Variants in CEP57 observed in about 807,000 individuals in gnomAD.
The protein encoded by CEP57 is centrosomal protein of 57 kDa.
CEP57 carries 40 observed loss-of-function variants against 68.0 expected under a neutral mutation model. That is an observed-to-expected ratio of 0.59 (90% CI 0.46 to 0.77). The LOEUF is 0.77. Ranked by LOEUF, CEP57 falls within the 30% of genes least tolerant of loss-of-function variation. CEP57 has a pLI of 0.00. For synonymous variants in CEP57, 219 were observed against 198.7 expected, an observed-to-expected ratio of 1.10 and a Z score of -0.86; for missense variants, 606 against 580.7, an observed-to-expected ratio of 1.04 and a Z score of -0.45.
intron 8 of CEP57, among the ~76,000 whole-genome samples, chr11:95,823,789 A>G (rs1307593548): frequency 6.6e-6 from 1 of 152,152 alleles, no homozygotes; most frequent in African/African-American, 2.4e-5. Context: ...TCATCTTCAA[A>G]TGAGCAGTTC....
intron 6 of CEP57, among the ~76,000 whole-genome samples, chr11:95,819,762 A>C (rs769594742): frequency 6.6e-6 from 1 of 152,330 alleles, no homozygotes; most frequent in African/African-American, 2.4e-5. Flanking sequence ...GGCTCACTTC[A>C]TATATGTGAT....
chr11:95,823,859 C>T (rs1363393737), intron 8 of CEP57, among the ~76,000 whole-genome samples: 1 of 151,934 alleles, frequency 6.6e-6, no homozygotes, highest in Non-Finnish European at 1.5e-5. Context: ...CCATATTTTC[C>T]ATCATGTTTA....
chr11:95,821,442 T>C (rs888685421), intron 6 of CEP57, among the ~76,000 whole-genome samples: 2 of 152,214 alleles, frequency 1.3e-5, no homozygotes, highest in African/African-American at 4.8e-5. Flanking sequence ...CTTTTTCTTA[T>C]ATAGTAAGTG....
chr11:95,821,902 T>C lies in CEP57; in HGVS notation c.731T>C (p.Ile244Thr), dbSNP rs778132447. ...LQTGLETNRL[I>T]FEDKATPCVP... Reference sequence around the variant, plus strand: ...ACTGGTCTAGAAACAAATAGACTTATCTTTGAAGATAAGGCAACTCCGTGT... The same window carrying C: ...ACTGGTCTAGAAACAAATAGACTTACCTTTGAAGATAAGGCAACTCCGTGT... Residue 244 changes from isoleucine (I) to threonine (T), a missense_variant, in exon 7 of 11, where the codon ATC becomes ACC. Physicochemically the swap from Ile to Thr is moderately conservative, Grantham distance 89. Coordinates refer to ENST00000325542, the MANE Select transcript of CEP57 (RefSeq NM_014679.5). The C allele has an allele frequency of 1.1e-5, 18 of 1,612,178 alleles. No homozygotes were observed. The highest frequency in any genetic ancestry group is 9.9e-5 in the South Asian group (9 of 91,020).
intron 1 of CEP57, among the ~76,000 whole-genome samples, chr11:95,795,265 A>G (rs1861292190): frequency 6.6e-6 from 1 of 152,132 alleles, no homozygotes; most frequent in African/African-American, 2.4e-5. Flanking sequence ...ATTTTTCAGT[A>G]CTTGTATAAT....
intron 2 of CEP57, among the ~76,000 whole-genome samples, chr11:95,808,323 A>C (rs1014647761): frequency 6.6e-6 from 1 of 152,158 alleles, no homozygotes; most frequent in African/African-American, 2.4e-5. Context: ...CGAGCAAAAT[A>C]ACCAGCTAAC....
At chr11:95,808,693 G>A (rs1426042155) in intron 2 of CEP57, among the ~76,000 whole-genome samples, 5 of 152,308 alleles carry the variant, frequency 3.3e-5, no homozygotes, top group Admixed American at 2.6e-4. Flanking sequence ...GGAGCACCCA[G>A]ATTCATAAAG....
chr11:95,820,675 T>C (rs1317417895), intron 6 of CEP57, among the ~76,000 whole-genome samples: 2 of 152,104 alleles, frequency 1.3e-5, no homozygotes, highest in Non-Finnish European at 2.9e-5. Context: ...TTAAAATGTT[T>C]TAAAACTGTA....
rs905350359 is a variant in CEP57 at position 95,817,760 on chromosome 11, C to G, written c.505-27C>G. On this transcript the variant is annotated intron_variant, in intron 4 of 10. Coordinates refer to ENST00000325542, the MANE Select transcript of CEP57 (RefSeq NM_014679.5). ...TTCTCTTTTTTGATTGTCAAATTAT[C>G]AAGCCGTATTGAATATTGTTTTTCA... 4.2e-6 allele frequency: 6 copies of G among 1,437,244 alleles called. No homozygotes were observed. In the Admixed American group the frequency reaches 6.7e-5, roughly 16 times the overall value. The allele number at this position is 1,437,244 out of a possible 1,614,324, so 89.0% of individuals were successfully genotyped here. A position where few individuals can be genotyped will look rare whatever the true frequency, so the allele number is the denominator to read the frequency against.
At chr11:95,822,913 G>A in intron 8 of CEP57, 1 of 312,280 alleles carries the variant, frequency 3.2e-6, no homozygotes, top group Non-Finnish European at 6.2e-6. Flanking sequence ...ATCCTGTTGA[G>A]TTACATTTAG....
chr11:95,795,189 G>GATAC (rs1861289053), intron 1 of CEP57, among the ~76,000 whole-genome samples: 1 of 152,156 alleles, frequency 6.6e-6, no homozygotes, highest in Admixed American at 6.5e-5. Flanking sequence ...GGGTGTAACT[G>GATAC]ATACGTTTAG....
intron 4 of CEP57, among the ~76,000 whole-genome samples, chr11:95,817,437 C>T (rs554780739): frequency 2.2e-4 from 34 of 152,156 alleles, no homozygotes; most frequent in African/African-American, 8.2e-4. Context: ...GATACCAAAA[C>T]CATAATTTTT....
At chr11:95,809,334 G>A (rs1470437430) in intron 2 of CEP57, among the ~76,000 whole-genome samples, 1 of 152,032 alleles carries the variant, frequency 6.6e-6, no homozygotes, top group Non-Finnish European at 1.5e-5. Flanking sequence ...CTAGCAGAAG[G>A]CAAGAAATAA....
chr11:95,809,998 C>T (rs1861981717), intron 2 of CEP57, among the ~76,000 whole-genome samples: 1 of 152,110 alleles, frequency 6.6e-6, no homozygotes, highest in South Asian at 2.1e-4. Context: ...AAAGCTTATC[C>T]ACCAAGATCA....
Position 95,799,348 on chromosome 11 carries a change from A to G in CEP57, c.162A>G (p.Pro54=). ...PFLNSDLRRS[P]SKPTLAYPES... Reference sequence around the variant, plus strand: ...TTAATAGTGATCTACGACGCTCCCCAAGTAAGCCTACACTTGCCTATCCAG... The same window carrying G: ...TTAATAGTGATCTACGACGCTCCCCGAGTAAGCCTACACTTGCCTATCCAG... The change falls in exon 2 of 11, where the codon CCA becomes CCG. Residue 54 remains proline, a synonymous_variant. Coordinates refer to ENST00000325542, the MANE Select transcript of CEP57 (RefSeq NM_014679.5). The G allele has an allele frequency of 6.2e-7, 1 of 1,614,052 alleles. No homozygotes were observed. Among genetic ancestry groups the G allele is most frequent in the Non-Finnish European group, 8.5e-7 (1 of 1,179,960 alleles).
Position 95,817,781 on chromosome 11 carries a change from T to G in CEP57, c.505-6T>G. 6.3e-7 allele frequency: 1 copy of G among 1,587,792 alleles called. No homozygotes were observed. Among genetic ancestry groups the G allele is most frequent in the Non-Finnish European group, 8.6e-7 (1 of 1,156,120 alleles). On this transcript the variant is annotated splice_region_variant and splice_polypyrimidine_tract_variant and intron_variant, in intron 4 of 10. Coordinates refer to ENST00000325542, the MANE Select transcript of CEP57 (RefSeq NM_014679.5). The stretch of plus-strand genomic sequence containing the variant: ...TTATCAAGCCGTATTGAATATTGTT[T>G]TTCAGGTTTCCCTAGAAAGAGAACG...
At chr11:95,792,690 T>C (rs1861145495) in intron 1 of CEP57, among the ~76,000 whole-genome samples, 1 of 152,190 alleles carries the variant, frequency 6.6e-6, no homozygotes, top group Non-Finnish European at 1.5e-5. Flanking sequence ...TAAGAATATC[T>C]AGGAACCTCC....
At chr11:95,802,212 TCAA>T (rs1861609898) in intron 2 of CEP57, among the ~76,000 whole-genome samples, 2 of 151,404 alleles carry the variant, frequency 1.3e-5, no homozygotes, top group South Asian at 4.2e-4. Context: ...GAAGAAAAGT[TCAA>T]CAAGAGTACA....
At chr11:95,805,992 G>A (rs1257375519) in intron 2 of CEP57, among the ~76,000 whole-genome samples, 1 of 152,084 alleles carries the variant, frequency 6.6e-6, no homozygotes, top group African/African-American at 2.4e-5. Context: ...TCGAGGTTGG[G>A]AAGAACTGTC....
Sources: allele counts gnomAD v4.1 joint callset (sites outside exome capture counted in the v4.1 genomes callset), GRCh38; gene constraint gnomAD v4.1.1; transcripts MANE v1.5; gene names NCBI Gene and HGNC (gene_info 2026-07-23, HGNC 2026-07-21).